The following TTC17 variants were observed in gnomAD, a reference collection of about 807,000 sequenced individuals.
TTC17 encodes tetratricopeptide repeat domain 17.
A neutral mutation model predicts 143.8 loss-of-function variants in TTC17; 58 were observed. That is an observed-to-expected ratio of 0.40 (90% CI 0.33 to 0.50). TTC17 has a LOEUF of 0.50. Ranked by LOEUF, TTC17 falls within the 20% of genes least tolerant of loss-of-function variation. The probability of loss-of-function intolerance (pLI) is 0.49; values close to 1 mark genes in which losing one functional copy is unlikely to be tolerated. For synonymous variants in TTC17, 501 were observed against 497.8 expected (o/e 1.01, Z -0.09); for missense variants, 1,273 against 1,392.5 (o/e 0.91, Z 1.37).
chr11:43,482,407 A>T (rs1948304530), intron 21 of TTC17, among the ~76,000 whole-genome samples: 1 of 151,922 alleles, frequency 6.6e-6, no homozygotes, highest in African/African-American at 2.4e-5. Flanking sequence ...AATTCAAAGT[A>T]CTTTATAATT....
At chr11:43,466,556 G>A (rs187525599) in intron 21 of TTC17, 18 of 238,522 alleles carry the variant, frequency 7.5e-5, no homozygotes, top group African/African-American at 3.2e-4. Flanking sequence ...GAATTATTCC[G>A]GAGTTTATAT....
At chr11:43,413,894 T>C (rs1946714788) in intron 15 of TTC17, among the ~76,000 whole-genome samples, 1 of 152,204 alleles carries the variant, frequency 6.6e-6, no homozygotes, top group Non-Finnish European at 1.5e-5. Flanking sequence ...TTGGTTGTTA[T>C]CTACTAAAAC....
intron 16 of TTC17, chr11:43,436,391 A>C (rs1027820646): frequency 2.4e-6 from 3 of 1,225,528 alleles, no homozygotes; most frequent in Admixed American, 8.2e-5. Flanking sequence ...TCAAGCTTTA[A>C]GCTTAGGCTT....
chr11:43,395,919 A>G (rs1857572153), intron 5 of TTC17, among the ~76,000 whole-genome samples: 1 of 152,136 alleles, frequency 6.6e-6, no homozygotes, highest in South Asian at 2.1e-4. Context: ...TCCCCATAGG[A>G]TACATTTTTA....
intron 16 of TTC17, among the ~76,000 whole-genome samples, chr11:43,434,077 A>G (rs1196862952): frequency 6.6e-6 from 1 of 152,088 alleles, no homozygotes; most frequent in African/African-American, 2.4e-5. Flanking sequence ...GAGGCAAATT[A>G]ACAACCTCTG....
intron 16 of TTC17, among the ~76,000 whole-genome samples, chr11:43,429,097 C>A (rs1457803164): frequency 1.3e-5 from 2 of 152,136 alleles, no homozygotes; most frequent in South Asian, 4.1e-4. Context: ...GGTGAGGCAT[C>A]TTCATTTGTC....
chr11:43,466,760 T>C (rs1187344908), intron 21 of TTC17: 3 of 316,840 alleles, frequency 9.5e-6, no homozygotes, highest in Non-Finnish European at 1.9e-5. Flanking sequence ...ATGGCAAGCA[T>C]GTGATCTTTG....
At chr11:43,441,480 T>C (rs1023213037) in intron 16 of TTC17, among the ~76,000 whole-genome samples, 1 of 152,178 alleles carries the variant, frequency 6.6e-6, no homozygotes, top group Non-Finnish European at 1.5e-5. Flanking sequence ...TATAAATTCA[T>C]TATATTTCAT....
At chr11:43,451,943 G>A (rs1428759504) in intron 21 of TTC17, among the ~76,000 whole-genome samples, 1 of 152,066 alleles carries the variant, frequency 6.6e-6, no homozygotes, top group Non-Finnish European at 1.5e-5. Context: ...TATCGCACAT[G>A]GAAAAATCAT....
chr11:43,385,756 A>T (rs1428327505), intron 2 of TTC17: 2 of 151,332 alleles, frequency 1.3e-5, no homozygotes, highest in Non-Finnish European at 2.9e-5. Context: ...TGAGTTAAAT[A>T]TTCAACACGA....
At chr11:43,383,408 A>G (rs1857050407) in intron 2 of TTC17, among the ~76,000 whole-genome samples, 1 of 152,074 alleles carries the variant, frequency 6.6e-6, no homozygotes, top group South Asian at 2.1e-4. Flanking sequence ...CTGGGGTGCG[A>G]TGGCGCAATC....
chr11:43,368,305 C>T (rs1856428132), intron 1 of TTC17, among the ~76,000 whole-genome samples: 1 of 152,168 alleles, frequency 6.6e-6, no homozygotes, highest in Non-Finnish European at 1.5e-5. Context: ...TCCTGAACTT[C>T]AGACTCATAT....
chr11:43,390,649 A>T (rs931235177), intron 3 of TTC17, among the ~76,000 whole-genome samples: 12 of 151,050 alleles, frequency 7.9e-5, no homozygotes, highest in East Asian at 1.9e-4. Context: ...AAATAAAAAT[A>T]AAAAAATAAA....
At chr11:43,410,496 A>G (rs7113471) in intron 15 of TTC17, among the ~76,000 whole-genome samples, 62,545 of 152,014 alleles carry the variant, frequency 0.41, 13,782 homozygotes, top group African/African-American at 0.55. Flanking sequence ...AGGCTTTACA[A>G]TTAGGTCTAT....
At chr11:43,428,569 T>C (rs1373464396) in intron 16 of TTC17, among the ~76,000 whole-genome samples, 1 of 152,218 alleles carries the variant, frequency 6.6e-6, no homozygotes, top group Non-Finnish European at 1.5e-5. Context: ...GAAGGCCACA[T>C]GGCAAGACCA....
At chr11:43,483,803 T>C (rs964162333) in intron 21 of TTC17, among the ~76,000 whole-genome samples, 2 of 152,238 alleles carry the variant, frequency 1.3e-5, no homozygotes, top group Non-Finnish European at 2.9e-5. Flanking sequence ...TCACCACTTC[T>C]TTTCAACCTT....
rs71308379 is a variant in TTC17 at position 43,364,047 on chromosome 11, C to CTTTTTT, written c.159+4955_159+4960dup. ...CCGGTATCTTCGGAGTACAGATCCT[C>CTTTTTT]TTTTTTTTTTTTTTTTTTTTTTTTT... On this transcript the variant is annotated intron_variant, in intron 1 of 23. Coordinates refer to ENST00000039989, the MANE Select transcript of TTC17 (RefSeq NM_018259.6). Among the ~76,000 whole-genome samples the CTTTTTT allele has an allele frequency of 6.4e-5, 6 of 94,452 alleles. 1 individual carries two copies. The highest frequency in any genetic ancestry group is 6.3e-5 in the Non-Finnish European group (3 of 47,272). The allele number at this position is 94,452 out of a possible 152,430, so 62.0% of individuals were successfully genotyped here.
At chr11:43,371,024 G>C (rs1012098358) in intron 1 of TTC17, among the ~76,000 whole-genome samples, 6 of 36,676 alleles carry the variant, frequency 1.6e-4, no homozygotes, top group Admixed American at 3.5e-4. Flanking sequence ...GAGGGGAGGT[G>C]GGGGGGGGGG....
At chr11:43,389,549 T>C (rs913566207) in intron 2 of TTC17, 103 bp from the exon 3 acceptor site, 4 of 1,188,598 alleles carry the variant, frequency 3.4e-6, no homozygotes, top group African/African-American at 1.6e-5. Flanking sequence ...TCTTCCTACA[T>C]AGAGGATTCT....
Sources: allele counts gnomAD v4.1 joint callset (sites outside exome capture counted in the v4.1 genomes callset), GRCh38; gene constraint gnomAD v4.1.1; transcripts MANE v1.5; gene names NCBI Gene and HGNC (gene_info 2026-07-23, HGNC 2026-07-21).